FAH: variants seen among roughly 807,000 people sequenced by gnomAD.
FAH encodes fumarylacetoacetase.
FAH carries 47 observed loss-of-function variants against 55.8 expected under a neutral mutation model. The observed-to-expected ratio is 0.84, with a 90% CI of 0.67 to 1.07. The LOEUF (loss-of-function observed/expected upper bound fraction) is 1.07, where lower values mean the gene tolerates loss of function less well. Ranked by LOEUF, FAH falls within the 50% of genes least tolerant of loss-of-function variation. FAH has a pLI of 0.00. For missense variants in FAH, 495 were observed against 545.9 expected, an observed-to-expected ratio of 0.91 and a Z score of 0.93; for synonymous variants, 199 against 207.7, an observed-to-expected ratio of 0.96 and a Z score of 0.36.
intron 11 of FAH, among the ~76,000 whole-genome samples, chr15:80,178,184 A>T (rs1287754329): frequency 5.3e-5 from 8 of 151,468 alleles, no homozygotes; most frequent in African/African-American, 1.9e-4. Context: ...TGCGTGACAG[A>T]GCAAGACCCT....
chr15:80,183,275 T>C (rs945283133), intron 13 of FAH, among the ~76,000 whole-genome samples: 2 of 152,180 alleles, frequency 1.3e-5, no homozygotes, highest in African/African-American at 2.4e-5. Context: ...TATAATTTGC[T>C]AAGAGGAGAG....
chr15:80,173,122 T>G lies in FAH; in HGVS notation c.815T>G (p.Phe272Cys), dbSNP rs2041255412. 6.2e-7 allele frequency: 1 copy of G among 1,614,072 alleles called. No homozygotes were observed. The highest frequency in any genetic ancestry group is 1.3e-5 in the African/African-American group (1 of 74,920). The change falls in exon 9 of 14, where the codon TTT becomes TGT. Residue 272 changes from phenylalanine (F) to cysteine (C), a missense_variant. Transcript: ENST00000561421. ...GTGCCCATGGATGCTCTCATGCCCTTTGCTGTGCCCAACCCGAAGCAGGTA... is the reference window on the plus strand; with the variant it reads ...GTGCCCATGGATGCTCTCATGCCCTGTGCTGTGCCCAACCCGAAGCAGGTA... Reference protein sequence around the residue: ...WVVPMDALMPFAVPNPKQDPR... With the variant: ...WVVPMDALMPCAVPNPKQDPR...
Position 80,168,268 on chromosome 15 carries a change from G to A in FAH, c.558G>A (p.Lys186=), listed in dbSNP as rs201732625. Residue 186 remains lysine (K), a synonymous_variant, in exon 7 of 14, where the codon AAG becomes AAA. Transcript: ENST00000561421. ...TTTTTTCTGGTGTTATTCCAGCTAA[G>A]CCTCCCGTATATGGTGCCTGCAAGC... ...PMGQMKPDDS[K]PPVYGACKLL... The A allele has an allele frequency of 1.3e-6, 2 of 1,590,404 alleles. No individual in the cohort carries two copies. Among genetic ancestry groups the A allele is most frequent in the East Asian group, 4.5e-5 (2 of 44,326 alleles).
intron 6 of FAH, 22 bp from the exon 7 acceptor site, chr15:80,168,242 T>C: frequency 6.2e-7 from 1 of 1,611,198 alleles, no homozygotes; most frequent in Non-Finnish European, 8.5e-7. Context: ...CCGTTTTTTT[T>C]TTTTTTCTGG....
Position 80,158,127 on chromosome 15 carries a change from T to C in FAH, c.149T>C (p.Phe50Ser). The change falls in exon 2 of 14, where the codon TTT becomes TCT. Residue 50 changes from phenylalanine (F) to serine (S), a missense_variant. Phe to Ser is a radical substitution (Grantham distance 155, BLOSUM62 -2). Coordinates refer to ENST00000561421, the MANE Select transcript of FAH (RefSeq NM_000137.4). ...ILDLSIIKHL[F>S]TGPVLSKHQD... ...GACCTCAGCATCATCAAGCACCTCT[T>C]TACTGGTCCTGTCCTCTCCAAACAC... is the stretch of plus-strand genomic sequence containing the variant. 6.8e-6 allele frequency: 11 copies of C among 1,614,134 alleles called. No homozygotes were observed. Among genetic ancestry groups the C allele is most frequent in the Non-Finnish European group, 9.3e-6 (11 of 1,179,984 alleles).
intron 3 of FAH, 192 bp downstream of exon 3, chr15:80,160,069 C>A (rs1025183898): frequency 3.3e-5 from 27 of 813,450 alleles, no homozygotes; most frequent in Non-Finnish European, 5.2e-5. Context: ...TGCCTTGGCG[C>A]CTGGAATGGA....
chr15:80,157,293 C>T (rs2041107403), intron 1 of FAH: 1 of 153,036 alleles, frequency 6.5e-6, no homozygotes, highest in Admixed American at 6.5e-5. Flanking sequence ...AATCCCACCA[C>T]TAAGCTCGCT....
chr15:80,176,684 G>A lies in FAH; in HGVS notation c.914-853G>A, dbSNP rs150735506. On this transcript the variant is annotated intron_variant, in intron 10 of 13. Transcript: ENST00000561421. Reference sequence around the variant, plus strand: ...GTTGGCCTCCTGCCACCCACAATGCGTGCTTGGAGTATACTTTCTATCTGG... The same window carrying A: ...GTTGGCCTCCTGCCACCCACAATGCATGCTTGGAGTATACTTTCTATCTGG... Among the ~76,000 whole-genome samples the A allele has an allele frequency of 1.4e-3, 211 of 152,344 alleles. 1 individual carries two copies. Among genetic ancestry groups the A allele is most frequent in the African/African-American group, 4.8e-3 (199 of 41,588 alleles).
chr15:80,179,624 G>A (rs139555216), intron 11 of FAH, among the ~76,000 whole-genome samples: 19 of 152,286 alleles, frequency 1.2e-4, no homozygotes, highest in African/African-American at 3.1e-4. Context: ...CCCTGACATC[G>A]TGTTTGAATC....
At chr15:80,179,877 G>T (rs758390891) in intron 11 of FAH, among the ~76,000 whole-genome samples, 5 of 152,178 alleles carry the variant, frequency 3.3e-5, no homozygotes, top group Non-Finnish European at 5.9e-5. Flanking sequence ...TGGGCTTGAG[G>T]TAGCAGAGGA....
At chr15:80,168,461 CAGA>C in intron 7 of FAH, 145 bp downstream of exon 7, 1 of 749,188 alleles carries the variant, frequency 1.3e-6, no homozygotes, top group Admixed American at 2.0e-5. Flanking sequence ...ACCTGGCCAT[CAGA>C]AGGACAGTTG....
intron 7 of FAH, 57 bp from the exon 8 acceptor site, chr15:80,172,092 C>T: frequency 7.8e-7 from 1 of 1,288,478 alleles, no homozygotes; most frequent in South Asian, 1.2e-5. Context: ...CTCTAGGTGA[C>T]AAGTGACCTG....
chr15:80,159,871 G>C lies in FAH; in HGVS notation c.308G>C (p.Arg103Pro). Residue 103 changes from arginine (R) to proline (P), a missense_variant, in exon 3 of 14, where the codon CGG (arginine) becomes CCG (proline). Physicochemically the swap from Arg to Pro is moderately radical, Grantham distance 103 (BLOSUM62 -2). Coordinates refer to ENST00000561421, the MANE Select transcript of FAH (RefSeq NM_000137.4). Reference sequence around the variant, plus strand: ...AGGCTCAGAGATGACACCGAACTTCGGAAGTGGTGAGAAGCACGTGGTCAT... The same window carrying C: ...AGGCTCAGAGATGACACCGAACTTCCGAAGTGGTGAGAAGCACGTGGTCAT... The part of the protein sequence containing the change: ...QARLRDDTEL[R>P]KCAFISQASA... 6.2e-7 allele frequency: 1 copy of C among 1,614,148 alleles called. No individual in the cohort carries two copies. Among genetic ancestry groups the C allele is most frequent in the Non-Finnish European group, 8.5e-7 (1 of 1,180,000 alleles).
intron 7 of FAH, among the ~76,000 whole-genome samples, chr15:80,170,961 T>C (rs185029269): frequency 4.6e-5 from 7 of 152,246 alleles, no homozygotes; most frequent in South Asian, 2.1e-4. Flanking sequence ...TTAGAGGTAG[T>C]GGGATGACAG....
At chr15:80,171,385 A>G (rs920212155) in intron 7 of FAH, among the ~76,000 whole-genome samples, 1 of 152,198 alleles carries the variant, frequency 6.6e-6, no homozygotes, top group Non-Finnish European at 1.5e-5. Context: ...TCAGCAAACT[A>G]TTGCAAGGAC....
At chr15:80,153,174 A>C in intron 1 of FAH, 39 bp downstream of exon 1, 1 of 395,994 alleles carries the variant, frequency 2.5e-6, no homozygotes, top group Non-Finnish European at 4.3e-6. Context: ...GCGGGGAGGG[A>C]GTGGAGTGGA....
chr15:80,186,627 C>T (rs904249459), downstream of FAH: 25 of 250,272 alleles, frequency 1.0e-4, no homozygotes, highest in African/African-American at 5.2e-4. Context: ...AAATTGGCTT[C>T]TGGGATTCTG....
chr15:80,174,769 G>A (rs1280909846), intron 9 of FAH, among the ~76,000 whole-genome samples: 3 of 152,134 alleles, frequency 2.0e-5, no homozygotes, highest in Admixed American at 6.5e-5. Context: ...TCTCTGGTTT[G>A]GCTCCTGTGA....
chr15:80,180,031 C>A (rs115593983), intron 11 of FAH, 93 bp from the exon 12 acceptor site: 1 of 905,142 alleles, frequency 1.1e-6, no homozygotes, highest in Non-Finnish European at 1.8e-6. Flanking sequence ...CCAGGGAAGG[C>A]GGTCGTGAGC....
Sources: allele counts gnomAD v4.1 joint callset (sites outside exome capture counted in the v4.1 genomes callset), GRCh38; gene constraint gnomAD v4.1.1; transcripts MANE v1.5; gene names NCBI Gene and HGNC (gene_info 2026-07-23, HGNC 2026-07-21).